The following STPG2 variants were observed in gnomAD, a reference collection of about 807,000 sequenced individuals.
STPG2 encodes the protein sperm-tail PG-rich repeat-containing protein 2.
A neutral mutation model predicts 54.2 loss-of-function variants in STPG2; 56 were observed. The ratio of observed to expected loss-of-function variants is 1.03; its 90% CI spans 0.83 to 1.29. STPG2 has a LOEUF of 1.29. STPG2 is among the 50% of genes most tolerant of loss of function. The pLI is 0.00. For synonymous variants in STPG2, 200 were observed against 181.8 expected (o/e 1.10, Z -0.81); for missense variants, 596 against 544.9 (o/e 1.09, Z -0.93).
chr4:98,089,476 A>G (rs574444287), intron 5 of STPG2, among the ~76,000 whole-genome samples: 2 of 151,484 alleles, frequency 1.3e-5, no homozygotes, highest in Non-Finnish European at 2.9e-5. Context: ...GGTTGGTTCC[A>G]TATCTTTGCA....
intron 8 of STPG2, among the ~76,000 whole-genome samples, chr4:97,928,519 T>G (rs529547104): frequency 1.3e-5 from 2 of 152,308 alleles, no homozygotes; most frequent in East Asian, 3.9e-4. Flanking sequence ...TATAATCATA[T>G]ACAAGGGTCT....
chr4:97,664,145 A>C (rs570628749), intron 10 of STPG2, among the ~76,000 whole-genome samples: 152 of 152,270 alleles, frequency 1.0e-3, no homozygotes, highest in Middle Eastern at 3.4e-3. Flanking sequence ...CTTGTTTTCC[A>C]AGTGTTTTCT....
chr4:97,860,406 G>A (rs1314364076), intron 8 of STPG2, among the ~76,000 whole-genome samples: 2 of 151,890 alleles, frequency 1.3e-5, no homozygotes, highest in East Asian at 1.9e-4. Flanking sequence ...ATTTTATTCA[G>A]CAGTGTTTTG....
chr4:97,452,740 C>T (rs1258156946), intron 4 of STPG2, among the ~76,000 whole-genome samples: 2 of 152,128 alleles, frequency 1.3e-5, no homozygotes, highest in Non-Finnish European at 2.9e-5. Context: ...GCAACCCACT[C>T]CAGGGTCTCC....
chr4:98,134,677 T>C (rs949387905), intron 1 of STPG2, among the ~76,000 whole-genome samples: 1 of 150,368 alleles, frequency 6.7e-6, no homozygotes. Flanking sequence ...ACTTGACTTA[T>C]TGAACAACAA....
chr4:97,725,684 C>G (rs900951434), intron 9 of STPG2, among the ~76,000 whole-genome samples: 2 of 151,000 alleles, frequency 1.3e-5, no homozygotes, highest in African/African-American at 4.9e-5. Context: ...CTATTGGAAC[C>G]AAAATCCATG....
intron 5 of STPG2, among the ~76,000 whole-genome samples, chr4:98,065,946 T>C (rs1329857969): frequency 6.6e-6 from 1 of 152,036 alleles, no homozygotes; most frequent in East Asian, 1.9e-4. Context: ...TTTCCAAAAT[T>C]GCTTCAAAAT....
chr4:97,554,707 A>G (rs966452516), downstream of STPG2, among the ~76,000 whole-genome samples: 1 of 152,202 alleles, frequency 6.6e-6, no homozygotes, highest in East Asian at 1.9e-4. Flanking sequence ...TAAAACTCCA[A>G]TGATAATACT....
chr4:98,034,404 C>T (rs1009730652), intron 5 of STPG2, among the ~76,000 whole-genome samples: 28 of 152,072 alleles, frequency 1.8e-4, no homozygotes, highest in Admixed American at 2.0e-4. Context: ...ATGTGAAGTA[C>T]CTCTTCAAGG....
At chr4:97,489,226 C>A (rs1284444626) in intron 4 of STPG2, among the ~76,000 whole-genome samples, 2 of 151,706 alleles carry the variant, frequency 1.3e-5, no homozygotes, top group Admixed American at 6.6e-5. Context: ...ACTATAAGTC[C>A]ATTAGACCTC....
At chr4:97,641,178 G>A (rs1283049683) in intron 10 of STPG2, among the ~76,000 whole-genome samples, 1 of 151,504 alleles carries the variant, frequency 6.6e-6, no homozygotes, top group Admixed American at 6.6e-5. Flanking sequence ...TTTAAAGCAA[G>A]AGGCAAAACT....
intron 5 of STPG2, among the ~76,000 whole-genome samples, chr4:98,102,650 G>A (rs1739077017): frequency 6.6e-6 from 1 of 151,748 alleles, no homozygotes; most frequent in Non-Finnish European, 1.5e-5. Context: ...ATTCCCACTG[G>A]ATCCTTCAAC....
chr4:97,485,697 TA>T (rs941356568), intron 4 of STPG2, among the ~76,000 whole-genome samples: 3 of 151,070 alleles, frequency 2.0e-5, no homozygotes, highest in African/African-American at 7.3e-5. Flanking sequence ...CACAGAATTA[TA>T]AAAAAAATTA....
chr4:97,657,431 T>A (rs942322533), intron 10 of STPG2, among the ~76,000 whole-genome samples: 3 of 152,222 alleles, frequency 2.0e-5, no homozygotes, highest in African/African-American at 7.2e-5. Context: ...TAAGGGAATA[T>A]CTATTAAGGC....
At chr4:97,899,420 GCTTTTC>G (rs1731089425) in intron 8 of STPG2, among the ~76,000 whole-genome samples, 1 of 151,908 alleles carries the variant, frequency 6.6e-6, no homozygotes, top group Non-Finnish European at 1.5e-5. Flanking sequence ...CAGATTTAAT[GCTTTTC>G]CTATCAAACT....
chr4:97,831,730 T>C (rs1728470189), intron 9 of STPG2, among the ~76,000 whole-genome samples: 1 of 152,140 alleles, frequency 6.6e-6, no homozygotes, highest in African/African-American at 2.4e-5. Flanking sequence ...CATCAGAGAA[T>C]ACTATAAATG....
At chr4:97,982,412 A>AC (rs1560622006) in intron 5 of STPG2, among the ~76,000 whole-genome samples, 35 of 151,282 alleles carry the variant, frequency 2.3e-4, no homozygotes, top group African/African-American at 7.3e-4. Context: ...ACACACACAC[A>AC]GATTTTGAAA....
At chr4:97,864,309 C>CAGAG (rs201353460) in intron 8 of STPG2, among the ~76,000 whole-genome samples, 92,775 of 150,756 alleles carry the variant, frequency 0.62, 29,642 homozygotes, top group African/African-American at 0.81. Flanking sequence ...CAATAACAGA[C>CAGAG]AGCCAAATCA....
At chr4:97,469,115 G>A (rs755166499) in intron 4 of STPG2, among the ~76,000 whole-genome samples, 1 of 152,114 alleles carries the variant, frequency 6.6e-6, no homozygotes, top group Non-Finnish European at 1.5e-5. Flanking sequence ...ATATCTGGAA[G>A]CATTTTGTTT....
Sources: gnomAD v4.1 joint callset for allele counts (sites outside exome capture counted in the v4.1 genomes callset) on GRCh38, gnomAD v4.1.1 for gene constraint, MANE v1.5 for transcripts, NCBI Gene and HGNC (gene_info 2026-07-23, HGNC 2026-07-21) for gene names.